OTOGL: variants seen among roughly 807,000 people sequenced by gnomAD.
OTOGL encodes the protein otogelin-like protein.
A neutral mutation model predicts 318.5 loss-of-function variants in OTOGL; 285 were observed. That is an observed-to-expected ratio of 0.89 (90% CI 0.81 to 0.99). The LOEUF is 0.99. Ranked by LOEUF, OTOGL falls within the 50% of genes least tolerant of loss-of-function variation. The probability of loss-of-function intolerance (pLI) is 0.00; values close to 1 mark genes in which losing one functional copy is unlikely to be tolerated. For synonymous variants in OTOGL, 987 were observed against 936.5 expected, an observed-to-expected ratio of 1.05 and a Z score of -0.99; for missense variants, 2,899 against 2,845.6, an observed-to-expected ratio of 1.02 and a Z score of -0.43.
chr12:80,250,009 C>A (rs889093552), intron 11 of OTOGL, among the ~76,000 whole-genome samples: 3 of 152,180 alleles, frequency 2.0e-5, no homozygotes, highest in Non-Finnish European at 2.9e-5. Context: ...GGCAATGCCT[C>A]GCCCTGCTTC....
chr12:80,370,589 A>G lies in OTOGL; in HGVS notation c.6635A>G (p.Tyr2212Cys), dbSNP rs1890817320. ...TTTTAGGTAGGGAGTACCTGGCACT[A>G]CAATTGCACCACATATGAATGTGTT... ...VVYAVGSTWHYNCTTYECVKT... is the reference protein window; with the variant it reads ...VVYAVGSTWHCNCTTYECVKT... The change falls in exon 56 of 59, where the codon TAC becomes TGC. Residue 2212 changes from tyrosine (Y) to cysteine (C), a missense_variant. Tyr to Cys is a radical substitution (Grantham distance 194, BLOSUM62 -2). Around this residue, in one of 3 missense-constraint regions of OTOGL, gnomAD observed 289 missense variants for 304.6 expected, o/e 0.95. Transcript: ENST00000547103. 3.9e-6 allele frequency: 6 copies of G among 1,551,318 alleles called. No homozygotes were observed. Among genetic ancestry groups the G allele is most frequent in the Non-Finnish European group, 5.2e-6 (6 of 1,150,836 alleles).
At chr12:80,279,276 A>G in intron 26 of OTOGL, 110 bp downstream of exon 26, 2 of 1,122,540 alleles carry the variant, frequency 1.8e-6, no homozygotes, top group African/African-American at 1.6e-5. Flanking sequence ...TAAAACCTAT[A>G]AAACAATTAT....
chr12:80,183,493 A>G (rs1179997743), intron 1 of OTOGL, among the ~76,000 whole-genome samples: 1 of 152,198 alleles, frequency 6.6e-6, no homozygotes, highest in East Asian at 1.9e-4. Flanking sequence ...GGAGGAGTAT[A>G]TTAGGAAATG....
At chr12:80,140,729 A>C (rs188599035) in intron 1 of OTOGL, among the ~76,000 whole-genome samples, 29 of 152,282 alleles carry the variant, frequency 1.9e-4, no homozygotes, top group Admixed American at 1.6e-3. Context: ...TTAGATTGGC[A>C]CCTAGCTCAT....
At chr12:80,147,360 C>T (rs960071669) in intron 1 of OTOGL, among the ~76,000 whole-genome samples, 11 of 146,650 alleles carry the variant, frequency 7.5e-5, no homozygotes, top group East Asian at 4.0e-4. Context: ...TGTAGTTGAG[C>T]GGTTTTGAGT....
Position 80,352,285 on chromosome 12 carries a change from G to A in OTOGL, c.5266-10G>A, listed in dbSNP as rs1362045046. 2.5e-6 allele frequency: 4 copies of A among 1,601,604 alleles called. No individual in the cohort carries two copies. Among genetic ancestry groups the A allele is most frequent in the Non-Finnish European group, 3.4e-6 (4 of 1,175,472 alleles). The stretch of plus-strand genomic sequence containing the variant: ...AATATAACTTATTTCAAGGCAAAAT[G>A]TTTCTCTAGGTTTCACCGGAAGACT... On this transcript the variant is annotated splice_polypyrimidine_tract_variant and intron_variant, in intron 44 of 58. Transcript: ENST00000547103.
intron 1 of OTOGL, among the ~76,000 whole-genome samples, chr12:80,133,048 A>G (rs1871334110): frequency 6.6e-6 from 1 of 152,226 alleles, no homozygotes; most frequent in African/African-American, 2.4e-5. Context: ...TTAAGTTTAA[A>G]ATACAAATGA....
rs755271518 is a variant in OTOGL at position 80,310,726 on chromosome 12, T to A, written c.3449T>A (p.Val1150Glu). 1 of 1,546,010 alleles carries A rather than the reference T, an allele frequency of 6.5e-7. No homozygotes were observed. Among genetic ancestry groups the A allele is most frequent in the South Asian group, 1.1e-5 (1 of 89,864 alleles). Residue 1150 changes from valine (V) to glutamate (E), a missense_variant and splice_region_variant, in exon 30 of 59, where the codon GTG becomes GAG. By Grantham distance (121) the Val-to-Glu change is moderately radical (BLOSUM62 -2). Transcript: ENST00000547103. ...YSDIFASCRN[V>E]IDVTSFAKNC... The stretch of plus-strand genomic sequence containing the variant: ...GATATTTTTGCTTCTTGTCGCAATG[T>A]GGTAAATGAATACTTTAATGAACTC...
At chr12:80,164,785 T>C (rs754660888) in intron 1 of OTOGL, among the ~76,000 whole-genome samples, 3 of 152,166 alleles carry the variant, frequency 2.0e-5, no homozygotes, top group Non-Finnish European at 4.4e-5. Flanking sequence ...TGACCCAGTG[T>C]ACTAGTTCAT....
At chr12:80,287,731 T>A (rs898241726) in intron 26 of OTOGL, among the ~76,000 whole-genome samples, 2 of 152,226 alleles carry the variant, frequency 1.3e-5, no homozygotes, top group Non-Finnish European at 2.9e-5. Context: ...CTGCTTTTTT[T>A]TTGCTTTCCA....
chr12:80,117,174 G>A (rs1920403), intron 1 of OTOGL, among the ~76,000 whole-genome samples: 75,306 of 151,728 alleles, frequency 0.5, 19,344 homozygotes, highest in Middle Eastern at 0.59. Context: ...AGTTATATCT[G>A]ACATAATCAC....
chr12:80,221,071 G>A (rs1551120), intron 6 of OTOGL, among the ~76,000 whole-genome samples: 56,837 of 151,880 alleles, frequency 0.37, 10,958 homozygotes, highest in East Asian at 0.68. Flanking sequence ...CATGTATTGA[G>A]TGCTCAGTGA....
In OTOGL at chr12:80,353,371, T is replaced by G; in HGVS notation, c.5454T>G (p.Pro1818=). 1 of 1,600,668 alleles carries G rather than the reference T, an allele frequency of 6.2e-7. No individual in the cohort carries two copies. Among genetic ancestry groups the G allele is most frequent in the Non-Finnish European group, 8.5e-7 (1 of 1,173,286 alleles). The change falls in exon 46 of 59, where the codon CCT becomes CCG. Residue 1818 remains proline (P), a synonymous_variant. Coordinates refer to ENST00000547103, the MANE Select transcript of OTOGL (RefSeq NM_001378609.3). ...AGGAATATCAACCCTGTGTGCGACC[T>G]TGTGAAGCAAGAACATGCCTGAACC... The part of the protein sequence containing the change: ...EGKEYQPCVR[P]CEARTCLNQW...
rs1324043683 is a variant in OTOGL, at chr12:80,164,354, C to T, written c.-19-45059C>T. On this transcript the variant is annotated intron_variant, in intron 1 of 58. Coordinates refer to ENST00000547103, the MANE Select transcript of OTOGL (RefSeq NM_001378609.3). Reference sequence around the variant, plus strand: ...TTGTTTAAATGTTTGTGCTGTTTACCAGTGAAGCCACCTTGTCCTCTAGTC... The same window carrying T: ...TTGTTTAAATGTTTGTGCTGTTTACTAGTGAAGCCACCTTGTCCTCTAGTC... Among the ~76,000 whole-genome samples, 4 of 152,182 alleles carry T rather than the reference C, an allele frequency of 2.6e-5. No homozygotes were observed. The South Asian group carries it at 6.2e-4, about 24-fold the overall frequency.
At chr12:80,252,293 A>G in intron 13 of OTOGL, 92 bp downstream of exon 13, 1 of 1,355,456 alleles carries the variant, frequency 7.4e-7, no homozygotes. Flanking sequence ...GTCCTTTCCC[A>G]GTACATTGGA....
At chr12:80,103,383 C>T (rs1869261814) in intron 1 of OTOGL, 2 of 902,752 alleles carry the variant, frequency 2.2e-6, no homozygotes, top group East Asian at 4.9e-5. Context: ...TTCTTGCAGG[C>T]TTCACATTCC....
intron 1 of OTOGL, among the ~76,000 whole-genome samples, chr12:80,108,936 G>GTGTATATATA (rs1555268621): frequency 2.8e-4 from 36 of 128,244 alleles, no homozygotes; most frequent in African/African-American, 9.9e-4. Flanking sequence ...ATATGTGTGT[G>GTGTATATATA]TATATATATA....
chr12:80,240,339 G>A (rs1420568942), intron 11 of OTOGL, among the ~76,000 whole-genome samples: 1 of 151,992 alleles, frequency 6.6e-6, no homozygotes, highest in African/African-American at 2.4e-5. Context: ...TTTTTATGCC[G>A]TGAATCCCTT....
At chr12:80,166,328 A>G (rs1448413647) in intron 1 of OTOGL, among the ~76,000 whole-genome samples, 2 of 152,030 alleles carry the variant, frequency 1.3e-5, no homozygotes, top group Non-Finnish European at 2.9e-5. Context: ...CACCTTCTAC[A>G]TTATTAGACA....
Sources: gnomAD v4.1 joint callset for allele counts (sites outside exome capture counted in the v4.1 genomes callset) on GRCh38, gnomAD v4.1.1 for gene constraint, gnomAD v4.1.1 regional missense constraint, MANE v1.5 for transcripts, NCBI Gene and HGNC (gene_info 2026-07-23, HGNC 2026-07-21) for gene names.